TRAF1: variants seen among roughly 807,000 people sequenced by gnomAD.
The protein encoded by TRAF1 is TNF receptor associated factor 1, also known as TNF receptor-associated factor 1.
TRAF1 carries 23 observed loss-of-function variants against 40.9 expected under a neutral mutation model. That is an observed-to-expected ratio of 0.56 (90% CI 0.40 to 0.80). TRAF1 has a LOEUF of 0.80. Ranked by LOEUF, TRAF1 falls within the 30% of genes least tolerant of loss-of-function variation. TRAF1 has a pLI of 0.00. For missense variants in TRAF1, 477 were observed against 528.7 expected, an observed-to-expected ratio of 0.90 and a Z score of 0.96; for synonymous variants, 206 against 218.8, an observed-to-expected ratio of 0.94 and a Z score of 0.52.
upstream of TRAF1, chr9:120,927,232 A>G (rs1052265682): frequency 6.6e-6 from 1 of 152,146 alleles, no homozygotes; most frequent in African/African-American, 2.4e-5. Context: ...TGTCTCATCT[A>G]TCAAATGGAG....
chr9:120,922,490 G>A (rs1369927896), intron 3 of TRAF1, among the ~76,000 whole-genome samples: 1 of 152,178 alleles, frequency 6.6e-6, no homozygotes, highest in African/African-American at 2.4e-5. Flanking sequence ...GGTGGGAATG[G>A]ATCAGTTCTG....
chr9:120,904,934 G>A lies in TRAF1; in HGVS notation c.*86C>T, dbSNP rs562361943. 1 of 1,347,680 alleles carries A rather than the reference G, an allele frequency of 7.4e-7. No individual in the cohort carries two copies. The highest frequency in any genetic ancestry group is 2.5e-5 in the East Asian group (1 of 40,552). 83.5% of individuals were successfully genotyped at this position (1,347,680 alleles called of 1,614,324 possible). On this transcript the variant is annotated 3_prime_UTR_variant, in exon 8 of 8. Coordinates refer to ENST00000373887, the MANE Select transcript of TRAF1 (RefSeq NM_005658.5). ...CAGCCTTCACCCATCTTTGTGCCCT[G>A]AGGTCTTGGGTGCCAAGGGCAGGGC...
chr9:120,918,363 T>C (rs1285773628), intron 3 of TRAF1, among the ~76,000 whole-genome samples: 7 of 152,028 alleles, frequency 4.6e-5, no homozygotes, highest in Admixed American at 3.9e-4. Context: ...TCATATTTAT[T>C]GAAATTATTC....
chr9:120,913,574 G>A lies in TRAF1; in HGVS notation c.459C>T (p.Ala153=), dbSNP rs372841168. 1.5e-5 allele frequency: 25 copies of A among 1,613,870 alleles called. No homozygotes were observed. The highest frequency in any genetic ancestry group is 4.0e-5 in the African/African-American group (3 of 74,932). ...QNLSDLQLQA[A]VEVAGDLEVD... is the part of the protein sequence containing the mutation. ...CCTCCAGGTCCCCCGCCACTTCCAC[G>A]GCTGCCTGCAGCTGCAGGTCTGACA... Residue 153 remains alanine (A), a synonymous_variant, in exon 5 of 8, where the codon GCC becomes GCT. Coordinates refer to ENST00000373887, the MANE Select transcript of TRAF1 (RefSeq NM_005658.5).
At chr9:120,923,841 C>T in intron 2 of TRAF1, 49 bp from the exon 3 acceptor site, 1 of 1,529,368 alleles carries the variant, frequency 6.5e-7, no homozygotes, top group Non-Finnish European at 9.1e-7. Flanking sequence ...CAGCTCCCTG[C>T]ACCATCCACT....
upstream of TRAF1, chr9:120,928,331 G>A (rs1050833084): frequency 2.6e-5 from 4 of 152,230 alleles, no homozygotes; most frequent in African/African-American, 9.7e-5. Context: ...AGAAAAGATT[G>A]TCTATACAGG....
intron 4 of TRAF1, among the ~76,000 whole-genome samples, chr9:120,913,939 T>A (rs1465746742): frequency 6.6e-6 from 1 of 152,178 alleles, no homozygotes; most frequent in African/African-American, 2.4e-5. Context: ...TTGCAGCTTC[T>A]AATTCTGCCC....
intron 6 of TRAF1, among the ~76,000 whole-genome samples, chr9:120,910,469 T>C (rs1251998870): frequency 6.6e-6 from 1 of 152,160 alleles, no homozygotes; most frequent in Non-Finnish European, 1.5e-5. Context: ...GGCACCATCA[T>C]AGCTCACTGC....
chr9:120,911,684 A>G (rs2046528919), intron 5 of TRAF1, among the ~76,000 whole-genome samples, 171 bp from the exon 6 acceptor site: 1 of 152,098 alleles, frequency 6.6e-6, no homozygotes, highest in South Asian at 2.1e-4. Flanking sequence ...CCTTTTCCTT[A>G]TCCACCAGGA....
Position 120,923,785 on chromosome 9 carries a change from C to T in TRAF1, c.148G>A (p.Glu50Lys), listed in dbSNP as rs368092786. ...CTGCATTTGGGGCAGATCTGATCCTCGCCATTCCTGGGGAAACATGGACAA... is the reference window on the plus strand; with the variant it reads ...CTGCATTTGGGGCAGATCTGATCCTTGCCATTCCTGGGGAAACATGGACAA... ...GCLSENPRNG[E>K]DQICPKCRGE... The change falls in exon 3 of 8, where the codon GAG becomes AAG. Residue 50 changes from glutamate to lysine, a missense_variant. Physicochemically the swap from Glu to Lys is moderately conservative, Grantham distance 56 (BLOSUM62 1). Coordinates refer to ENST00000373887, the MANE Select transcript of TRAF1 (RefSeq NM_005658.5). 4.6e-5 allele frequency: 74 copies of T among 1,614,006 alleles called. No homozygotes were observed. The highest frequency in any genetic ancestry group is 1.5e-4 in the African/African-American group (11 of 74,904).
chr9:120,911,455 T>C lies in TRAF1; in HGVS notation c.764A>G (p.Gln255Arg), dbSNP rs761181929. The part of the protein sequence containing the change: ...QKDQALGKLE[Q>R]SLRLMEEASF... Reference sequence around the variant, plus strand: ...GGCCTCCTCCATGAGGCGCAAGCTCTGCTCCAGCTTGCCCAGGGCCTGGTC... The same window carrying C: ...GGCCTCCTCCATGAGGCGCAAGCTCCGCTCCAGCTTGCCCAGGGCCTGGTC... Residue 255 changes from glutamine to arginine, a missense_variant, in exon 6 of 8, where the codon CAG becomes CGG. Gln to Arg is a conservative substitution (Grantham distance 43, BLOSUM62 1). Transcript: ENST00000373887. 4 of 1,613,398 alleles carry C rather than the reference T, an allele frequency of 2.5e-6. No homozygotes were observed. The highest frequency in any genetic ancestry group is 3.4e-6 in the Non-Finnish European group (4 of 1,180,024).
chr9:120,911,167 C>T (rs2046523235), intron 6 of TRAF1, among the ~76,000 whole-genome samples, 169 bp downstream of exon 6: 1 of 152,266 alleles, frequency 6.6e-6, no homozygotes, highest in South Asian at 2.1e-4. Flanking sequence ...CACCCACCAA[C>T]CTGAAGATCC....
intron 2 of TRAF1, 77 bp downstream of exon 2, chr9:120,925,859 T>G (rs1177567540): frequency 7.5e-6 from 12 of 1,597,426 alleles, no homozygotes; most frequent in Non-Finnish European, 9.4e-6. Flanking sequence ...CACAGGCTCC[T>G]CTGCCCCTCA....
chr9:120,924,872 T>C (rs1317467135), intron 2 of TRAF1, among the ~76,000 whole-genome samples: 1 of 152,224 alleles, frequency 6.6e-6, no homozygotes, highest in Admixed American at 6.5e-5. Flanking sequence ...CTTCAGGACT[T>C]AGGCCTCAGG....
At chr9:120,920,548 A>T (rs1414704348) in intron 3 of TRAF1, among the ~76,000 whole-genome samples, 1 of 152,120 alleles carries the variant, frequency 6.6e-6, no homozygotes, top group African/African-American at 2.4e-5. Context: ...AAACAATCCC[A>T]TTTGCTGATC....
chr9:120,922,506 C>T (rs974190808), intron 3 of TRAF1, among the ~76,000 whole-genome samples: 4 of 152,180 alleles, frequency 2.6e-5, no homozygotes. Flanking sequence ...TTCTGGATAG[C>T]ATGTGGGAAC....
chr9:120,918,191 G>T (rs2046581511), intron 3 of TRAF1, among the ~76,000 whole-genome samples: 1 of 152,136 alleles, frequency 6.6e-6, no homozygotes, highest in African/African-American at 2.4e-5. Context: ...TGTGCACTTT[G>T]TTATGGCAGC....
In TRAF1 at chr9:120,923,938, A is replaced by G. The variant is rs1013669861; in HGVS notation, c.141-146T>C. On this transcript the variant is annotated intron_variant, in intron 2 of 7. Coordinates refer to ENST00000373887, the MANE Select transcript of TRAF1 (RefSeq NM_005658.5). ...CCAGAGCCACAGTTCCTAAATCGCAAAACTGCCGAGTATCCCACATTTTTT... is the reference window on the plus strand; with the variant it reads ...CCAGAGCCACAGTTCCTAAATCGCAGAACTGCCGAGTATCCCACATTTTTT... 5.2e-6 allele frequency: 4 copies of G among 774,952 alleles called. No individual in the cohort carries two copies. The African/African-American group carries it at 6.9e-5, about 13-fold the overall frequency. 48.0% of individuals were successfully genotyped at this position (774,952 alleles called of 1,614,324 possible). A position where few individuals can be genotyped will look rare whatever the true frequency, so the allele number is the denominator to read the frequency against.
chr9:120,920,552 G>T (rs2046598320), intron 3 of TRAF1, among the ~76,000 whole-genome samples: 3 of 152,178 alleles, frequency 2.0e-5, no homozygotes, highest in Non-Finnish European at 4.4e-5. Context: ...AATCCCATTT[G>T]CTGATCCTCA....
Sources: gnomAD v4.1 joint callset for allele counts (sites outside exome capture counted in the v4.1 genomes callset) on GRCh38, gnomAD v4.1.1 for gene constraint, MANE v1.5 for transcripts, NCBI Gene and HGNC (gene_info 2026-07-23, HGNC 2026-07-21) for gene names.